Variants in SNX29 observed in about 807,000 individuals in gnomAD.
SNX29 encodes the protein sorting nexin 29.
Under a neutral mutation model 102.1 loss-of-function variants are expected in SNX29, and 78 were observed. The observed-to-expected ratio is 0.76, with a 90% confidence interval of 0.64 to 0.92. The LOEUF (loss-of-function observed/expected upper bound fraction) is 0.92. Ranked by LOEUF, SNX29 falls within the 40% of genes least tolerant of loss-of-function variation. The pLI is 0.00. For missense variants in SNX29, 1,280 were observed against 1,061.7 expected, an observed-to-expected ratio of 1.21 and a Z score of -2.86; for synonymous variants, 580 against 414.5, an observed-to-expected ratio of 1.40 and a Z score of -4.85.
intron 15 of SNX29, among the ~76,000 whole-genome samples, chr16:12,311,978 T>C (rs1459248263): frequency 6.6e-6 from 1 of 152,166 alleles, no homozygotes; most frequent in East Asian, 1.9e-4. Flanking sequence ...TCTTCTGCTT[T>C]GTTACTCCAC....
chr16:12,449,754 C>G (rs995086251), intron 18 of SNX29, among the ~76,000 whole-genome samples: 11 of 152,232 alleles, frequency 7.2e-5, no homozygotes, highest in African/African-American at 2.4e-4. Flanking sequence ...ACTATCCCTT[C>G]TCTTCCTTGC....
intron 7 of SNX29, among the ~76,000 whole-genome samples, 195 bp from the exon 8 acceptor site, chr16:12,051,652 G>T (rs1053800346): frequency 7.9e-5 from 12 of 152,200 alleles, no homozygotes; most frequent in African/African-American, 2.9e-4. Flanking sequence ...TAAATCAGAG[G>T]CAGAGGCCTG....
chr16:12,318,939 G>A (rs944597751), intron 15 of SNX29, among the ~76,000 whole-genome samples: 2 of 152,142 alleles, frequency 1.3e-5, no homozygotes, highest in African/African-American at 2.4e-5. Context: ...ATGGGTCCAG[G>A]TGTGGGCGTG....
chr16:12,377,408 C>T (rs2082916143), intron 16 of SNX29, among the ~76,000 whole-genome samples: 1 of 152,188 alleles, frequency 6.6e-6, no homozygotes, highest in African/African-American at 2.4e-5. Flanking sequence ...CAAGCACATT[C>T]TGACTCTTAA....
At chr16:12,512,356 A>C (rs1481011107) in intron 19 of SNX29, among the ~76,000 whole-genome samples, 1 of 124,726 alleles carries the variant, frequency 8.0e-6, no homozygotes, top group African/African-American at 3.0e-5. Context: ...TCCATCATGG[A>C]AGGCCCAGGG....
intron 15 of SNX29, among the ~76,000 whole-genome samples, chr16:12,314,014 C>T (rs1336842858): frequency 6.6e-6 from 1 of 152,242 alleles, no homozygotes; most frequent in South Asian, 2.1e-4. Flanking sequence ...GAGTCAAGGT[C>T]TCACTCTCTT....
intron 1 of SNX29, among the ~76,000 whole-genome samples, chr16:11,989,165 G>A (rs1026117828): frequency 7.9e-5 from 12 of 152,096 alleles, no homozygotes; most frequent in Admixed American, 7.9e-4. Context: ...TAGAAACGGG[G>A]TTTCACCATG....
chr16:12,148,866 T>C (rs924740509), intron 13 of SNX29, among the ~76,000 whole-genome samples: 5 of 151,744 alleles, frequency 3.3e-5, no homozygotes, highest in Admixed American at 2.6e-4. Flanking sequence ...CTCAGCTAAT[T>C]TTTTTTTGTA....
chr16:12,551,603 C>T (rs531335130), intron 20 of SNX29, among the ~76,000 whole-genome samples: 1 of 152,180 alleles, frequency 6.6e-6, no homozygotes, highest in Non-Finnish European at 1.5e-5. Context: ...TCTGGTGTTA[C>T]AATTAGATCT....
At chr16:12,402,165 G>A (rs1438908650) in intron 17 of SNX29, among the ~76,000 whole-genome samples, 1 of 152,206 alleles carries the variant, frequency 6.6e-6, no homozygotes. Context: ...GAGCCCTGGG[G>A]AAGTGATCAA....
chr16:12,435,484 C>T (rs554668988), intron 18 of SNX29, among the ~76,000 whole-genome samples: 2 of 152,258 alleles, frequency 1.3e-5, no homozygotes, highest in Admixed American at 1.3e-4. Context: ...TGAGAACCTG[C>T]CCTGCTTGAG....
At chr16:12,545,536 C>G (rs530158271) in intron 20 of SNX29, 2 of 152,174 alleles carry the variant, frequency 1.3e-5, no homozygotes, top group African/African-American at 2.4e-5. Flanking sequence ...AGGGCCTTTG[C>G]CAGCAGACGA....
At chr16:12,539,889 T>G (rs749073159) in intron 20 of SNX29, among the ~76,000 whole-genome samples, 1 of 152,218 alleles carries the variant, frequency 6.6e-6, no homozygotes, top group Admixed American at 6.5e-5. Context: ...CTAGGCTGTT[T>G]GTGGTTTTAC....
intron 15 of SNX29, among the ~76,000 whole-genome samples, chr16:12,281,332 C>A (rs1446813333): frequency 1.3e-5 from 2 of 152,164 alleles, no homozygotes; most frequent in South Asian, 4.1e-4. Flanking sequence ...TGAAAGCCAA[C>A]TCATCTATCT....
At chr16:11,991,364 G>A (rs2055840555) in intron 1 of SNX29, among the ~76,000 whole-genome samples, 3 of 152,158 alleles carry the variant, frequency 2.0e-5, no homozygotes, top group African/African-American at 7.2e-5. Flanking sequence ...GGCAGGGGTG[G>A]CTGTCACAGA....
chr16:12,004,031 A>G (rs570341637), intron 3 of SNX29, among the ~76,000 whole-genome samples: 2 of 151,346 alleles, frequency 1.3e-5, no homozygotes, highest in Non-Finnish European at 2.9e-5. Flanking sequence ...GTGAGACAGG[A>G]TGAGACTGTG....
intron 4 of SNX29, among the ~76,000 whole-genome samples, chr16:12,033,698 C>T (rs926736785): frequency 3.9e-5 from 6 of 151,966 alleles, no homozygotes; most frequent in South Asian, 4.2e-4. Context: ...CCTATGCCTC[C>T]TGGGTTCAAG....
intron 16 of SNX29, among the ~76,000 whole-genome samples, chr16:12,388,386 C>G (rs1041114840): frequency 6.6e-6 from 1 of 152,212 alleles, no homozygotes; most frequent in African/African-American, 2.4e-5. Flanking sequence ...CCTTCTCTAC[C>G]TGGAGCCAGG....
At chr16:12,534,160 C>T (rs1239955248) in intron 20 of SNX29, among the ~76,000 whole-genome samples, 1 of 152,212 alleles carries the variant, frequency 6.6e-6, no homozygotes, top group Non-Finnish European at 1.5e-5. Flanking sequence ...GCAGCGCGGC[C>T]TCTGCGGTTC....
Sources: gnomAD v4.1 joint callset for allele counts (sites outside exome capture counted in the v4.1 genomes callset) on GRCh38, gnomAD v4.1.1 for gene constraint, MANE v1.5 for transcripts, NCBI Gene and HGNC (gene_info 2026-07-23, HGNC 2026-07-21) for gene names.